MEIOB: variants seen among roughly 807,000 people sequenced by gnomAD.
MEIOB encodes meiosis specific with OB-fold.
In MEIOB, 50 loss-of-function variants were observed where a neutral mutation model predicts 53.1. The ratio of observed to expected loss-of-function variants is 0.94; its 90% confidence interval spans 0.75 to 1.19. The LOEUF is 1.19. Ranked by LOEUF, MEIOB falls within the 50% of genes most tolerant of loss-of-function variation. MEIOB has a pLI of 0.00. For missense variants in MEIOB, 551 were observed against 550.8 expected, an observed-to-expected ratio of 1.00 and a Z score of 0.00; for synonymous variants, 192 against 182.5, an observed-to-expected ratio of 1.05 and a Z score of -0.42.
intron 10 of MEIOB, among the ~76,000 whole-genome samples, chr16:1,842,187 G>C (rs1447027019): frequency 1.3e-5 from 2 of 152,000 alleles, no homozygotes; most frequent in Non-Finnish European, 2.9e-5. Flanking sequence ...TTAAAATGAA[G>C]AATTTCTGTT....
chr16:1,854,121 T>C lies in MEIOB; in HGVS notation c.608A>G (p.Glu203Gly). 1 of 1,550,654 alleles carries C rather than the reference T, an allele frequency of 6.4e-7. No homozygotes were observed. The highest frequency in any genetic ancestry group is 1.2e-5 in the South Asian group (1 of 83,970). ...RCEVRLYDET[E>G]SSFAMTCWDN... The stretch of plus-strand genomic sequence containing the variant: ...TTACCATGTCATCGCAAAAGACGAC[T>C]CTGTTTCATCATAGAGTCTAACTTC... The change falls in exon 7 of 14, where the codon GAG (glutamate) becomes GGG (glycine). Residue 203 changes from glutamate (E) to glycine (G), a missense_variant. Coordinates refer to ENST00000325962, the MANE Select transcript of MEIOB (RefSeq NM_001163560.3).
intron 1 of MEIOB, among the ~76,000 whole-genome samples, chr16:1,871,330 C>G (rs930015399): frequency 1.5e-5 from 2 of 132,356 alleles, no homozygotes; most frequent in Non-Finnish European, 3.2e-5. Context: ...CGCCATTCTC[C>G]TGCCTCAGCC....
intron 3 of MEIOB, among the ~76,000 whole-genome samples, chr16:1,865,016 C>T (rs1247164707): frequency 6.6e-6 from 1 of 152,128 alleles, no homozygotes; most frequent in Non-Finnish European, 1.5e-5. Context: ...AAGATAAAAG[C>T]ATCATGCCTG....
rs939256476 is a variant in MEIOB at position 1,857,919 on chromosome 16, A to T, written c.344T>A (p.Leu115Gln). 2.6e-6 allele frequency: 4 copies of T among 1,521,650 alleles called. No individual in the cohort carries two copies. Among genetic ancestry groups the T allele is most frequent in the Non-Finnish European group, 3.5e-6 (4 of 1,131,068 alleles). The allele number at this position is 1,521,650 out of a possible 1,614,324, so 94.3% of individuals were successfully genotyped here. Residue 115 changes from leucine to glutamine, a missense_variant, in exon 6 of 14, where the codon CTG becomes CAG. By Grantham distance (113) the Leu-to-Gln change is moderately radical (BLOSUM62 -2). Coordinates refer to ENST00000325962, the MANE Select transcript of MEIOB (RefSeq NM_001163560.3). ...TGTTGAGTGATTCTCACTGAGCAAC[A>T]GTTTACAGTTGCTAAATTGCAAAAA... ...FSPATPSNCKLLLSENHSTVK... is the reference protein window; with the variant it reads ...FSPATPSNCKQLLSENHSTVK...
Position 1,861,986 on chromosome 16 carries a change from ACAGTCACCAAC to A in MEIOB, c.247_257del (p.Val83CysfsTer4), listed in dbSNP as rs1899455003. On this transcript the variant is annotated frameshift_variant and splice_region_variant, in exon 4 of 14. Transcript: ENST00000325962. LOFTEE classifies it high-confidence loss of function. Reference sequence around the variant, plus strand: ...GTTTAAGAATCAATGCCAACTTACCACAGTCACCAACCCTAAAGCTGTCAGAAAGAGACTTG... The same window carrying A: ...GTTTAAGAATCAATGCCAACTTACCACCTAAAGCTGTCAGAAAGAGACTTG... 6.5e-7 allele frequency: 1 copy of A among 1,548,312 alleles called. No homozygotes were observed. The highest frequency in any genetic ancestry group is 2.0e-5 in the Admixed American group (1 of 50,022).
At chr16:1,853,886 C>T (rs1469683887) in intron 7 of MEIOB, among the ~76,000 whole-genome samples, 1 of 152,206 alleles carries the variant, frequency 6.6e-6, no homozygotes, top group African/African-American at 2.4e-5. Flanking sequence ...ACGGTGGAGT[C>T]CCCCTAAGCA....
intron 7 of MEIOB, 44 bp from the exon 8 acceptor site, chr16:1,853,315 A>T: frequency 7.4e-7 from 1 of 1,360,320 alleles, no homozygotes; most frequent in Non-Finnish European, 1.0e-6. Flanking sequence ...AATACACTAG[A>T]AAAAACTGAT....
At position 1,834,942 on chromosome 16, in the gene MEIOB, C is replaced by G. The variant is rs771078885; in HGVS notation, c.1306-576G>C. ...TAGAGCGAAACTCTGTCCCCCCCAC[C>G]CCCCCCCACTAAAAAAAATGTCTAA... On this transcript the variant is annotated intron_variant, in intron 13 of 13. Transcript: ENST00000325962. Among the ~76,000 whole-genome samples, 12 of 89,968 alleles carry G rather than the reference C, an allele frequency of 1.3e-4. No homozygotes were observed. In the East Asian group the frequency reaches 3.9e-3, roughly 29 times the overall value. The allele number at this position is 89,968 out of a possible 152,430, so 59.0% of individuals were successfully genotyped here. A position where few individuals can be genotyped will look rare whatever the true frequency, so the allele number is the denominator to read the frequency against.
rs537631607 is a variant in MEIOB, at chr16:1,849,462, T to C, written c.778+3577A>G. On this transcript the variant is annotated intron_variant, in intron 9 of 13. Coordinates refer to ENST00000325962, the MANE Select transcript of MEIOB (RefSeq NM_001163560.3). ...TCGGGAGGCTGAGGCAGGAGAATGCTGTGAACCCGGGAGGCGAAGCTTGCA... is the reference window on the plus strand; with the variant it reads ...TCGGGAGGCTGAGGCAGGAGAATGCCGTGAACCCGGGAGGCGAAGCTTGCA... Among the ~76,000 whole-genome samples, 658 of 146,154 alleles carry C rather than the reference T, an allele frequency of 4.5e-3. 3 individuals are homozygous for C. The highest frequency in any genetic ancestry group is 7.6e-3 in the Non-Finnish European group (514 of 67,448).
In MEIOB at chr16:1,854,135, G is replaced by C. The variant is rs1480872822; in HGVS notation, c.594C>G (p.Leu198=). 6.4e-7 allele frequency: 1 copy of C among 1,551,058 alleles called. No individual in the cohort carries two copies. The highest frequency in any genetic ancestry group is 8.7e-7 in the Non-Finnish European group (1 of 1,146,768). The change falls in exon 7 of 14, where the codon CTC becomes CTG. Residue 198 remains leucine, a synonymous_variant. Transcript: ENST00000325962. ...CAAAAGACGACTCTGTTTCATCATA[G>C]AGTCTAACTTCACACCTCTGGCCTT... The part of the protein sequence containing the change: ...RRKGQRCEVR[L]YDETESSFAM...
intron 6 of MEIOB, among the ~76,000 whole-genome samples, chr16:1,857,096 C>T (rs1055633243): frequency 1.3e-5 from 2 of 152,120 alleles, no homozygotes; most frequent in African/African-American, 4.8e-5. Flanking sequence ...GAAACTTTAC[C>T]GTTGAGGTCT....
rs71148106 is a variant in MEIOB at position 1,871,519 on chromosome 16, C to CTTTT, written c.-10+470_-10+473dup. Among the ~76,000 whole-genome samples the CTTTT allele has an allele frequency of 6.3e-3, 250 of 39,828 alleles. 14 individuals are homozygous for CTTTT. Among genetic ancestry groups the CTTTT allele is most frequent in the African/African-American group, 0.011 (100 of 9,244 alleles). The allele number at this position is 39,828 out of a possible 152,430, so 26.1% of individuals were successfully genotyped here. A position where few individuals can be genotyped will look rare whatever the true frequency, so the allele number is the denominator to read the frequency against. ...CAGGCTTGAGCCACCGCGCCCGGCCCTTTTTTTTTTTTTTTTTTTTTTTTT... is the reference window on the plus strand; with the variant it reads ...CAGGCTTGAGCCACCGCGCCCGGCCCTTTTTTTTTTTTTTTTTTTTTTTTTTTTT... On this transcript the variant is annotated intron_variant, in intron 1 of 13. Coordinates refer to ENST00000325962, the MANE Select transcript of MEIOB (RefSeq NM_001163560.3).
intron 10 of MEIOB, 47 bp downstream of exon 10, chr16:1,844,814 CA>C (rs1898990478): frequency 1.1e-6 from 1 of 917,502 alleles, no homozygotes; most frequent in Non-Finnish European, 1.8e-6. Flanking sequence ...TTTACAGGCC[CA>C]ATTTCGGCCT....
At chr16:1,854,309 T>C (rs1388080630) in intron 6 of MEIOB, 109 bp from the exon 7 acceptor site, 3 of 655,114 alleles carry the variant, frequency 4.6e-6, no homozygotes, top group Non-Finnish European at 8.0e-6. Context: ...ATTAGAAATA[T>C]TAAACTAGCA....
chr16:1,856,145 C>T (rs1313682122), intron 6 of MEIOB, among the ~76,000 whole-genome samples: 4 of 137,342 alleles, frequency 2.9e-5, no homozygotes, highest in East Asian at 2.2e-4. Flanking sequence ...CAGGTACCTG[C>T]CACCATGCCC....
intron 9 of MEIOB, among the ~76,000 whole-genome samples, chr16:1,846,524 A>C (rs1008058094): frequency 2.0e-5 from 3 of 152,228 alleles, no homozygotes; most frequent in African/African-American, 7.2e-5. Context: ...ATAACTATTT[A>C]CAATAGCAAA....
intron 2 of MEIOB, among the ~76,000 whole-genome samples, chr16:1,866,588 G>T: frequency 6.6e-6 from 1 of 152,158 alleles, no homozygotes; most frequent in East Asian, 1.9e-4. Flanking sequence ...CAGGTGTGGT[G>T]GTGGGTGCCT....
Position 1,857,939 on chromosome 16 carries a change from C to A in MEIOB, c.333-9G>T. 6 of 1,488,302 alleles carry A rather than the reference C, an allele frequency of 4.0e-6. No homozygotes were observed. The highest frequency in any genetic ancestry group is 4.5e-6 in the Non-Finnish European group (5 of 1,107,028). 92.2% of individuals were successfully genotyped at this position (1,488,302 alleles called of 1,614,324 possible). A position where few individuals can be genotyped will look rare whatever the true frequency, so the allele number is the denominator to read the frequency against. ...GCAACAGTTTACAGTTGCTAAATTG[C>A]AAAAACACAAGAAAGTTATTTGAAA... On this transcript the variant is annotated splice_polypyrimidine_tract_variant and intron_variant, in intron 5 of 13. Transcript: ENST00000325962.
Position 1,865,806 on chromosome 16 carries a change from T to C in MEIOB, c.99A>G (p.Thr33=), listed in dbSNP as rs372097586. ...LKVIGIVIGK[T]DVKGFPDRKN... The stretch of plus-strand genomic sequence containing the variant: ...TTCTGTCTGGAAAGCCTTTGACATC[T>C]GTTTTCCCAATAACTATACCGATAA... Residue 33 remains threonine (T), a synonymous_variant, in exon 3 of 14, where the codon ACA becomes ACG. Transcript: ENST00000325962. The C allele has an allele frequency of 5.9e-5, 91 of 1,549,178 alleles. 1 individual carries two copies. The African/African-American group carries it at 1.1e-3, about 19-fold the overall frequency.
Sources: allele counts gnomAD v4.1 joint callset (sites outside exome capture counted in the v4.1 genomes callset), GRCh38; gene constraint gnomAD v4.1.1; transcripts MANE v1.5; gene names NCBI Gene and HGNC (gene_info 2026-07-23, HGNC 2026-07-21).